The following FAF2 variants were observed in gnomAD, a reference collection of about 807,000 sequenced individuals.
FAF2 encodes the protein FAS-associated factor 2.
FAF2 carries 9 observed loss-of-function variants against 62.3 expected under a neutral mutation model. The ratio of observed to expected loss-of-function variants is 0.14; its 90% confidence interval spans 0.09 to 0.25. The LOEUF is 0.25. Among genes scored for constraint, FAF2 ranks in the 10% least tolerant of loss-of-function variants. FAF2 has a pLI of 1.00. For missense variants in FAF2, 368 were observed against 556.2 expected (o/e 0.66, Z 3.40); for synonymous variants, 202 against 198.0 (o/e 1.02, Z -0.17).
chr5:176,492,455 T>G, intron 5 of FAF2, 123 bp downstream of exon 5: 1 of 1,068,326 alleles, frequency 9.4e-7, no homozygotes. Flanking sequence ...TCTTCACTGC[T>G]TATAGGGGTG....
At chr5:176,471,915 C>G (rs909773357) in intron 1 of FAF2, among the ~76,000 whole-genome samples, 13 of 149,606 alleles carry the variant, frequency 8.7e-5, no homozygotes, top group African/African-American at 3.2e-4. Flanking sequence ...TTCCTAACCT[C>G]GTGATTCGCC....
chr5:176,464,117 T>C (rs1306527679), intron 1 of FAF2, among the ~76,000 whole-genome samples: 1 of 151,918 alleles, frequency 6.6e-6, no homozygotes, highest in Non-Finnish European at 1.5e-5. Context: ...CCACTTATTC[T>C]TTTTTTTGTT....
intron 1 of FAF2, among the ~76,000 whole-genome samples, chr5:176,457,538 T>C (rs1758297145): frequency 6.6e-6 from 1 of 152,192 alleles, no homozygotes; most frequent in Non-Finnish European, 1.5e-5. Flanking sequence ...TGAGGATTAT[T>C]TCACATATTC....
At position 176,508,024 on chromosome 5, in the gene FAF2, C is replaced by T. The variant is rs548477408; in HGVS notation, c.*1074C>T. ...GCAGAACCACAGGAGAGTGCCCTGC[C>T]TGTCTCAGTGGAAGTGTATTATTGT... On this transcript the variant is annotated 3_prime_UTR_variant, in exon 11 of 11. Coordinates refer to ENST00000261942, the MANE Select transcript of FAF2 (RefSeq NM_014613.3). The T allele has an allele frequency of 3.9e-5, 6 of 152,740 alleles. No individual in the cohort carries two copies. Among genetic ancestry groups the T allele is most frequent in the African/African-American group, 1.2e-4 (5 of 41,554 alleles). The allele number at this position is 152,740 out of a possible 1,614,324, so 9.5% of individuals were successfully genotyped here. A position where few individuals can be genotyped will look rare whatever the true frequency, so the allele number is the denominator to read the frequency against.
chr5:176,466,462 T>C (rs1758470680), intron 1 of FAF2, among the ~76,000 whole-genome samples: 1 of 152,182 alleles, frequency 6.6e-6, no homozygotes, highest in African/African-American at 2.4e-5. Context: ...ACCAACCCCG[T>C]GCAGCGTTTG....
chr5:176,479,344 T>C, intron 2 of FAF2, 88 bp downstream of exon 2: 1 of 1,035,208 alleles, frequency 9.7e-7, no homozygotes, highest in East Asian at 2.4e-5. Flanking sequence ...CAGGAATCTT[T>C]TCAGTAGATT....
intron 1 of FAF2, among the ~76,000 whole-genome samples, chr5:176,460,075 A>G (rs1758350963): frequency 6.6e-6 from 1 of 152,036 alleles, no homozygotes; most frequent in African/African-American, 2.4e-5. Flanking sequence ...GTTCTTTTTT[A>G]TGAGTGCGTG....
At chr5:176,468,865 G>T (rs1758515209) in intron 1 of FAF2, among the ~76,000 whole-genome samples, 1 of 151,670 alleles carries the variant, frequency 6.6e-6, no homozygotes. Flanking sequence ...GAGTACTTGA[G>T]CCCAGGAGCA....
chr5:176,463,062 A>G (rs564941140), intron 1 of FAF2, among the ~76,000 whole-genome samples: 11 of 152,142 alleles, frequency 7.2e-5, no homozygotes, highest in African/African-American at 2.2e-4. Flanking sequence ...TTTTAGTGGA[A>G]TTAAGTCTGT....
chr5:176,454,577 GAAAAA>G (rs56324116), intron 1 of FAF2, among the ~76,000 whole-genome samples: 109 of 95,226 alleles, frequency 1.1e-3, no homozygotes, highest in African/African-American at 4.4e-3. Flanking sequence ...GATTCTGTCT[GAAAAA>G]AAAAAAAAAA....
chr5:176,497,230 A>ATT (rs546237986), intron 8 of FAF2, among the ~76,000 whole-genome samples: 2 of 151,944 alleles, frequency 1.3e-5, no homozygotes, highest in African/African-American at 2.4e-5. Flanking sequence ...AGCTGAATAT[A>ATT]ATATAAAGAA....
chr5:176,469,836 A>T (rs1404652383), intron 1 of FAF2, among the ~76,000 whole-genome samples: 1 of 152,246 alleles, frequency 6.6e-6, no homozygotes, highest in Non-Finnish European at 1.5e-5. Flanking sequence ...TATTAAGTTT[A>T]TGAAGAGTTT....
At position 176,507,652 on chromosome 5, in the gene FAF2, CCT is replaced by C. The variant is rs1561831013; in HGVS notation, c.*706_*707del. 1 of 153,226 alleles carries C rather than the reference CCT, an allele frequency of 6.5e-6. No homozygotes were observed. Among genetic ancestry groups the C allele is most frequent in the Non-Finnish European group, 1.5e-5 (1 of 68,604 alleles). The allele number at this position is 153,226 out of a possible 1,614,324, so 9.5% of individuals were successfully genotyped here. On this transcript the variant is annotated 3_prime_UTR_variant, in exon 11 of 11. Transcript: ENST00000261942. ...GTTTGTGCTTATTTCTGCCATTGTC[CCT>C]CTCACGTTCCCAGAGAGGTCATTCT... is the stretch of plus-strand genomic sequence containing the variant.
At chr5:176,480,300 A>G (rs1425475034) in intron 2 of FAF2, among the ~76,000 whole-genome samples, 1 of 148,568 alleles carries the variant, frequency 6.7e-6, no homozygotes, top group African/African-American at 2.5e-5. Context: ...TTTTTTTTCC[A>G]GTTTTTTTTT....
chr5:176,479,743 C>T (rs370565140), intron 2 of FAF2, among the ~76,000 whole-genome samples: 2 of 151,892 alleles, frequency 1.3e-5, no homozygotes, highest in Admixed American at 1.3e-4. Flanking sequence ...GTCTCCCAGG[C>T]TAGAGTGCAG....
intron 1 of FAF2, chr5:176,453,145 A>T (rs753752407): frequency 6.6e-6 from 1 of 152,216 alleles, no homozygotes; most frequent in Non-Finnish European, 1.5e-5. Flanking sequence ...CCAGTTGAAT[A>T]TGAATAACTA....
rs760851042 is a variant in FAF2, at chr5:176,479,176, C to A, written c.64-12C>A. 1 of 1,612,882 alleles carries A rather than the reference C, an allele frequency of 6.2e-7. No individual in the cohort carries two copies. The highest frequency in any genetic ancestry group is 1.3e-5 in the African/African-American group (1 of 74,870). The stretch of plus-strand genomic sequence containing the variant: ...TTTTCTCTAAGTAACTTGTTTTCAT[C>A]CTTCTTTTCAGGATCTCACTGGCAT... On this transcript the variant is annotated splice_polypyrimidine_tract_variant and intron_variant, in intron 1 of 10. Transcript: ENST00000261942.
At chr5:176,477,033 C>T (rs1372514792) in intron 1 of FAF2, among the ~76,000 whole-genome samples, 1 of 151,368 alleles carries the variant, frequency 6.6e-6, no homozygotes, top group Admixed American at 6.6e-5. Context: ...TGGTCTCGAT[C>T]TCCTGACTTC....
chr5:176,493,913 A>G (rs907403606), intron 5 of FAF2, 86 bp from the exon 6 acceptor site: 2 of 883,816 alleles, frequency 2.3e-6, no homozygotes, highest in South Asian at 3.1e-5. Context: ...TCCTAAATAC[A>G]TAACTGTATC....
Sources: gnomAD v4.1 joint callset for allele counts (sites outside exome capture counted in the v4.1 genomes callset) on GRCh38, gnomAD v4.1.1 for gene constraint, MANE v1.5 for transcripts, NCBI Gene and HGNC (gene_info 2026-07-23, HGNC 2026-07-21) for gene names.